TNR: variants seen among roughly 807,000 people sequenced by gnomAD.
The protein encoded by TNR is tenascin-R.
A neutral mutation model predicts 150.4 loss-of-function variants in TNR; 45 were observed. That is an observed-to-expected ratio of 0.30 (90% CI 0.24 to 0.38). The LOEUF is 0.38. TNR is among the 10% of genes least tolerant of loss of function. The pLI, the probability that TNR is intolerant of heterozygous loss-of-function variation, is 1.00. For synonymous variants in TNR, 687 were observed against 678.4 expected, an observed-to-expected ratio of 1.01 and a Z score of -0.20; for missense variants, 1,544 against 1,759.1, an observed-to-expected ratio of 0.88 and a Z score of 2.19.
At chr1:175,354,312 C>T in intron 18 of TNR, 79 bp downstream of exon 18, 1 of 1,555,244 alleles carries the variant, frequency 6.4e-7, no homozygotes, top group South Asian at 1.2e-5. Context: ...GCTCCCAGAG[C>T]AAGTCTCAGC....
At chr1:175,681,768 AG>A (rs1304869574) in intron 1 of TNR, among the ~76,000 whole-genome samples, 1 of 152,184 alleles carries the variant, frequency 6.6e-6, no homozygotes, top group African/African-American at 2.4e-5. Flanking sequence ...TGCAGAGGGA[AG>A]GGCTGGGAGC....
intron 2 of TNR, among the ~76,000 whole-genome samples, chr1:175,509,772 A>C (rs1571540900): frequency 6.6e-6 from 1 of 152,224 alleles, no homozygotes; most frequent in East Asian, 1.9e-4. Context: ...TAAAGAATGG[A>C]TGCTTTGTTA....
At chr1:175,741,712 C>A (rs76002996) in intron 1 of TNR, among the ~76,000 whole-genome samples, 3,049 of 152,254 alleles carry the variant, frequency 0.02, 107 homozygotes, top group African/African-American at 0.068. Context: ...AAAGTGGTGC[C>A]ATTTCACTCA....
In TNR at chr1:175,403,028, T is replaced by C; in HGVS notation, c.976+112A>G. ...ATGAGTACAACTCAATTGAGAATTA[T>C]TTTGCCTAAACTTCACTTTCTCACT... On this transcript the variant is annotated intron_variant, in intron 4 of 22. Transcript: ENST00000367674. The C allele has an allele frequency of 2.2e-6, 2 of 908,428 alleles. 1 individual carries two copies. The highest frequency in any genetic ancestry group is 3.5e-6 in the Non-Finnish European group (2 of 577,842). The allele number at this position is 908,428 out of a possible 1,614,324, so 56.3% of individuals were successfully genotyped here.
chr1:175,679,364 G>A (rs1466019023), intron 1 of TNR, among the ~76,000 whole-genome samples: 1 of 152,174 alleles, frequency 6.6e-6, no homozygotes, highest in Non-Finnish European at 1.5e-5. Flanking sequence ...CAAGCCCTCT[G>A]GGCCATAGAC....
intron 2 of TNR, among the ~76,000 whole-genome samples, chr1:175,502,525 G>A (rs187148746): frequency 2.6e-5 from 4 of 152,222 alleles, no homozygotes; most frequent in Admixed American, 1.3e-4. Flanking sequence ...CTGTAGGGTT[G>A]ACTGAGGCCT....
chr1:175,693,470 C>A (rs1250367356), intron 1 of TNR, among the ~76,000 whole-genome samples: 2 of 152,222 alleles, frequency 1.3e-5, no homozygotes, highest in Admixed American at 6.5e-5. Flanking sequence ...CATTGATCAT[C>A]CCCTGTGTCA....
At chr1:175,374,921 C>G (rs1272482496) in intron 9 of TNR, among the ~76,000 whole-genome samples, 4 of 152,296 alleles carry the variant, frequency 2.6e-5, no homozygotes, top group Admixed American at 6.5e-5. Flanking sequence ...GAGGGAAGAC[C>G]AGGTGAGAGA....
intron 1 of TNR, among the ~76,000 whole-genome samples, chr1:175,611,511 T>G (rs1446905436): frequency 2.6e-5 from 4 of 152,084 alleles, no homozygotes; most frequent in Non-Finnish European, 5.9e-5. Context: ...TTTTTAAAAT[T>G]TTTAAAGAGA....
intron 2 of TNR, among the ~76,000 whole-genome samples, chr1:175,518,408 T>G (rs775892384): frequency 2.6e-5 from 4 of 152,104 alleles, no homozygotes; most frequent in Non-Finnish European, 4.4e-5. Flanking sequence ...TCCCCATTCC[T>G]CCTCTCATGT....
intron 1 of TNR, among the ~76,000 whole-genome samples, chr1:175,620,301 T>A (rs1486564636): frequency 2.0e-5 from 3 of 152,212 alleles, no homozygotes; most frequent in Non-Finnish European, 2.9e-5. Flanking sequence ...CCCACAGTTA[T>A]TGAGCTTCTG....
intron 18 of TNR, among the ~76,000 whole-genome samples, chr1:175,347,270 CA>C (rs1571321563): frequency 6.6e-6 from 1 of 152,020 alleles, no homozygotes; most frequent in East Asian, 1.9e-4. Context: ...AAGCTTATTA[CA>C]AAAACTCTTA....
At chr1:175,705,493 T>C (rs1419229705) in intron 1 of TNR, among the ~76,000 whole-genome samples, 2 of 152,138 alleles carry the variant, frequency 1.3e-5, no homozygotes, top group Non-Finnish European at 2.9e-5. Flanking sequence ...TTTATGAGCC[T>C]TTGGAAAGAA....
At chr1:175,457,075 T>G (rs991877886) in intron 2 of TNR, among the ~76,000 whole-genome samples, 2 of 152,262 alleles carry the variant, frequency 1.3e-5, no homozygotes, top group Non-Finnish European at 2.9e-5. Context: ...TTCCCATTTC[T>G]GAGGCATTAA....
intron 2 of TNR, among the ~76,000 whole-genome samples, chr1:175,415,904 C>G (rs906553866): frequency 1.3e-5 from 2 of 152,072 alleles, no homozygotes; most frequent in Admixed American, 6.6e-5. Context: ...ATACAACTGG[C>G]AAGGCTGGGC....
intron 1 of TNR, among the ~76,000 whole-genome samples, chr1:175,610,325 A>C (rs1663552857): frequency 6.6e-6 from 1 of 152,246 alleles, no homozygotes; most frequent in African/African-American, 2.4e-5. Context: ...GCTAAGACTC[A>C]TGGATGCCCC....
intron 20 of TNR, among the ~76,000 whole-genome samples, chr1:175,332,919 A>G (rs187400996): frequency 6.6e-6 from 1 of 152,330 alleles, no homozygotes; most frequent in Admixed American, 6.5e-5. Context: ...ATAACCTTGA[A>G]TAATAGGAAG....
At chr1:175,399,713 A>C (rs1557908593) in intron 4 of TNR, among the ~76,000 whole-genome samples, 1 of 152,172 alleles carries the variant, frequency 6.6e-6, no homozygotes, top group Admixed American at 6.5e-5. Flanking sequence ...TCTTAGCCTT[A>C]CTTTCTTTGG....
rs546724020 is a variant in TNR, at chr1:175,477,908, G to A, written c.-64+50361C>T. Among the ~76,000 whole-genome samples, 9 of 152,292 alleles carry A rather than the reference G, an allele frequency of 5.9e-5. No homozygotes were observed. In the South Asian group the frequency reaches 1.9e-3, roughly 32 times the overall value. On this transcript the variant is annotated intron_variant, in intron 2 of 22. Transcript: ENST00000367674. ...TGATCATCCTCGGGGGTATGGATAG[G>A]CCAGCTAGTGTGGATCTTTGCAAAG...
Sources: gnomAD v4.1 joint callset for allele counts (sites outside exome capture counted in the v4.1 genomes callset) on GRCh38, gnomAD v4.1.1 for gene constraint, MANE v1.5 for transcripts, NCBI Gene and HGNC (gene_info 2026-07-23, HGNC 2026-07-21) for gene names.